Variants in PRKG1 observed in about 807,000 individuals in gnomAD.
PRKG1 encodes the protein cGMP-dependent protein kinase 1.
A neutral mutation model predicts 88.1 loss-of-function variants in PRKG1; 35 were observed. That is an observed-to-expected ratio of 0.40 (90% CI 0.30 to 0.53). The LOEUF (loss-of-function observed/expected upper bound fraction) is 0.53. Ranked by LOEUF, PRKG1 falls within the 20% of genes least tolerant of loss-of-function variation. The pLI, the probability that PRKG1 is intolerant of heterozygous loss-of-function variation, is 0.59. For missense variants in PRKG1, 540 were observed against 839.8 expected, an observed-to-expected ratio of 0.64 and a Z score of 4.41; for synonymous variants, 303 against 292.5, an observed-to-expected ratio of 1.04 and a Z score of -0.37.
chr10:51,520,381 A>G (rs1339889367), intron 3 of PRKG1, among the ~76,000 whole-genome samples: 4 of 150,522 alleles, frequency 2.7e-5, no homozygotes, highest in African/African-American at 9.7e-5. Flanking sequence ...TAATGAATGT[A>G]AAATAGAATG....
At chr10:51,064,105 C>T (rs1440545678) in intron 1 of PRKG1, among the ~76,000 whole-genome samples, 2 of 151,964 alleles carry the variant, frequency 1.3e-5, no homozygotes, top group Non-Finnish European at 2.9e-5. Flanking sequence ...TTATTTTTAA[C>T]TGAATAAAGA....
chr10:51,388,993 A>G (rs626431), intron 2 of PRKG1, among the ~76,000 whole-genome samples: 1 of 152,086 alleles, frequency 6.6e-6, no homozygotes, highest in Non-Finnish European at 1.5e-5. Context: ...GTATTAATAC[A>G]AAAATAGGTT....
chr10:51,091,930 ATGAT>A (rs1197079504), intron 1 of PRKG1, among the ~76,000 whole-genome samples: 1 of 152,158 alleles, frequency 6.6e-6, no homozygotes, highest in Non-Finnish European at 1.5e-5. Flanking sequence ...TATACTAAGA[ATGAT>A]TAATCTTGAG....
intron 3 of PRKG1, among the ~76,000 whole-genome samples, chr10:51,690,099 G>A (rs72797357): frequency 0.069 from 10,445 of 152,180 alleles, 393 homozygotes; most frequent in East Asian, 0.13. Flanking sequence ...AGGGAAAGGG[G>A]CAGCAGGCAC....
At chr10:51,295,191 T>A (rs1347052421) in intron 2 of PRKG1, among the ~76,000 whole-genome samples, 2 of 152,216 alleles carry the variant, frequency 1.3e-5, no homozygotes, top group Admixed American at 6.5e-5. Context: ...GGGATTTTAA[T>A]AGCTATTACA....
At chr10:51,710,254 C>G (rs1385296720) in intron 3 of PRKG1, among the ~76,000 whole-genome samples, 1 of 152,154 alleles carries the variant, frequency 6.6e-6, no homozygotes, top group Non-Finnish European at 1.5e-5. Flanking sequence ...TTTGAGCAGA[C>G]AGCTTCCAAA....
At chr10:51,846,229 C>T (rs953203423) in intron 4 of PRKG1, among the ~76,000 whole-genome samples, 1 of 152,104 alleles carries the variant, frequency 6.6e-6, no homozygotes, top group Non-Finnish European at 1.5e-5. Context: ...AAAACCTTTA[C>T]CTGATGAGCA....
chr10:51,567,589 A>G (rs970505551), intron 3 of PRKG1, among the ~76,000 whole-genome samples: 4 of 151,976 alleles, frequency 2.6e-5, no homozygotes, highest in African/African-American at 9.7e-5. Context: ...ATTTTTAAAA[A>G]CCATACTGTT....
intron 3 of PRKG1, among the ~76,000 whole-genome samples, chr10:51,616,262 C>A (rs913890990): frequency 3.3e-5 from 5 of 152,186 alleles, no homozygotes; most frequent in Admixed American, 3.3e-4. Flanking sequence ...CTGGAGCTAG[C>A]AGATCCACAT....
At position 52,064,163 on chromosome 10, in the gene PRKG1, AG is replaced by A. The variant is rs533766805; in HGVS notation, c.935+1536del. 2.5e-3 allele frequency among the ~76,000 whole-genome samples: 378 copies of A among 152,240 alleles called. 1 individual carries two copies. The highest frequency in any genetic ancestry group is 4.3e-3 in the Non-Finnish European group (290 of 68,004). On this transcript the variant is annotated intron_variant, in intron 7 of 17. Transcript: ENST00000373980. ...TCATGACACCCAGGCTGTAGGTGCC[AG>A]GGGCACCTGCAGGCCAGCACCAAGC...
At chr10:51,710,789 A>G (rs186531083) in intron 3 of PRKG1, among the ~76,000 whole-genome samples, 14 of 152,286 alleles carry the variant, frequency 9.2e-5, no homozygotes, top group Admixed American at 7.8e-4. Flanking sequence ...AACCGGGGAC[A>G]GTAGAGTCAA....
intron 5 of PRKG1, among the ~76,000 whole-genome samples, chr10:51,932,532 T>C (rs1842716165): frequency 6.6e-6 from 1 of 152,160 alleles, no homozygotes; most frequent in Admixed American, 6.6e-5. Context: ...TCTGCTATAC[T>C]GCCACGGCCA....
At chr10:52,269,053 TG>T (rs1448759942) in intron 10 of PRKG1, among the ~76,000 whole-genome samples, 2 of 150,906 alleles carry the variant, frequency 1.3e-5, no homozygotes, top group Non-Finnish European at 2.9e-5. Flanking sequence ...TCCTACCCTG[TG>T]TACAAGTATA....
rs1589298281 is a variant in PRKG1 at position 51,801,151 on chromosome 10, G to T, written c.593-3434G>T. On this transcript the variant is annotated intron_variant, in intron 3 of 17. Coordinates refer to ENST00000373980, the MANE Select transcript of PRKG1 (RefSeq NM_006258.4). ...CTTGTACTAGACCAGGAATCAGCAAGTATTTTCTGTAAAGGGCTGGATAGG... is the reference window on the plus strand; with the variant it reads ...CTTGTACTAGACCAGGAATCAGCAATTATTTTCTGTAAAGGGCTGGATAGG... Among the ~76,000 whole-genome samples, 3 of 152,034 alleles carry T rather than the reference G, an allele frequency of 2.0e-5. 1 individual carries two copies. The East Asian group carries it at 5.8e-4, about 29-fold the overall frequency.
chr10:51,979,288 T>G (rs1843931305), intron 5 of PRKG1, among the ~76,000 whole-genome samples: 1 of 152,060 alleles, frequency 6.6e-6, no homozygotes, highest in East Asian at 1.9e-4. Context: ...GAACCAACCT[T>G]GAATCTTAGG....
At chr10:51,704,413 C>T (rs556041143) in intron 3 of PRKG1, among the ~76,000 whole-genome samples, 2 of 152,246 alleles carry the variant, frequency 1.3e-5, no homozygotes, top group South Asian at 2.1e-4. Context: ...TTACCAAGGA[C>T]GGAGCCTGTG....
chr10:51,174,039 TAGGG>T (rs1837123769), intron 2 of PRKG1, among the ~76,000 whole-genome samples: 2 of 151,872 alleles, frequency 1.3e-5, no homozygotes, highest in African/African-American at 4.8e-5. Context: ...ATTTTTGACT[TAGGG>T]AGGCAATTAA....
intron 3 of PRKG1, among the ~76,000 whole-genome samples, chr10:51,791,626 G>A (rs1787087064): frequency 6.6e-6 from 1 of 151,920 alleles, no homozygotes. Flanking sequence ...ATATAACTCA[G>A]GTATATGAAT....
chr10:51,916,813 T>G (rs886830270), intron 5 of PRKG1, among the ~76,000 whole-genome samples: 5 of 152,220 alleles, frequency 3.3e-5, no homozygotes, highest in African/African-American at 9.6e-5. Flanking sequence ...ATGTGGTATA[T>G]TCATACAATA....
Sources: gnomAD v4.1 joint callset for allele counts (sites outside exome capture counted in the v4.1 genomes callset) on GRCh38, gnomAD v4.1.1 for gene constraint, MANE v1.5 for transcripts, NCBI Gene and HGNC (gene_info 2026-07-23, HGNC 2026-07-21) for gene names.